The following DLG2 variants were observed in gnomAD, a reference collection of about 807,000 sequenced individuals.
The protein encoded by DLG2 is disks large homolog 2.
DLG2 carries 45 observed loss-of-function variants against 132.5 expected under a neutral mutation model. That is an observed-to-expected ratio of 0.34 (90% CI 0.27 to 0.44). The LOEUF is 0.44. DLG2 is among the 20% of genes least tolerant of loss of function. DLG2 has a pLI of 1.00. For synonymous variants in DLG2, 424 were observed against 419.6 expected (o/e 1.01, Z -0.13); for missense variants, 1,045 against 1,196.9 (o/e 0.87, Z 1.87).
Position 84,967,214 on chromosome 11 carries a change from T to G in DLG2, c.357+144447A>C, listed in dbSNP as rs923182246. The stretch of plus-strand genomic sequence containing the variant: ...CAAAATCTTGAGCCATACTTGGTTT[T>G]TTGAAGAATGAGGCAACTATCGGGA... On this transcript the variant is annotated intron_variant, in intron 6 of 27. Coordinates refer to ENST00000376104, the MANE Select transcript of DLG2 (RefSeq NM_001142699.3). 3.9e-5 allele frequency among the ~76,000 whole-genome samples: 6 copies of G among 152,282 alleles called. No homozygotes were observed. The East Asian group carries it at 1.2e-3, about 29-fold the overall frequency.
intron 6 of DLG2, among the ~76,000 whole-genome samples, chr11:84,851,073 A>G (rs1274706126): frequency 6.6e-6 from 1 of 152,132 alleles, no homozygotes; most frequent in Admixed American, 6.6e-5. Context: ...TGAATATTCA[A>G]AAACAGAACA....
chr11:84,929,004 A>G lies in DLG2; in HGVS notation c.357+182657T>C, dbSNP rs1398433706. ...TGTGTATATATATATATATATATAT[A>G]TATATATATATATATATATATTACT... On this transcript the variant is annotated intron_variant, in intron 6 of 27. Transcript: ENST00000376104. Among the ~76,000 whole-genome samples, 105 of 128,938 alleles carry G rather than the reference A, an allele frequency of 8.1e-4. 1 individual carries two copies. The highest frequency in any genetic ancestry group is 7.3e-3 in the Middle Eastern group (2 of 274). 84.6% of individuals were successfully genotyped at this position (128,938 alleles called of 152,430 possible).
chr11:84,588,094 A>T (rs531965825), intron 6 of DLG2, among the ~76,000 whole-genome samples: 1 of 152,102 alleles, frequency 6.6e-6, no homozygotes, highest in Non-Finnish European at 1.5e-5. Context: ...TTCCTGCCAC[A>T]CACACTGTTC....
chr11:84,572,104 C>G (rs1482218858), intron 6 of DLG2, among the ~76,000 whole-genome samples: 1 of 151,242 alleles, frequency 6.6e-6, no homozygotes, highest in African/African-American at 2.4e-5. Flanking sequence ...TTTTAGGGTA[C>G]ATGTGCACAA....
intron 9 of DLG2, among the ~76,000 whole-genome samples, chr11:84,113,628 T>A (rs890479057): frequency 5.9e-5 from 9 of 152,170 alleles, no homozygotes; most frequent in Middle Eastern, 3.2e-3. Flanking sequence ...GTGATAATAA[T>A]GACAAATACT....
chr11:84,678,730 A>C (rs969498576), intron 6 of DLG2, among the ~76,000 whole-genome samples: 29 of 152,074 alleles, frequency 1.9e-4, no homozygotes, highest in Admixed American at 1.3e-3. Context: ...CCCTGATTAA[A>C]TATATTGTAT....
intron 3 of DLG2, among the ~76,000 whole-genome samples, chr11:85,564,176 T>C (rs1021172645): frequency 6.6e-6 from 1 of 152,128 alleles, no homozygotes; most frequent in Admixed American, 6.6e-5. Context: ...GTCAGATGTA[T>C]ACATCACAAA....
rs1176941368 is a variant in DLG2, at chr11:84,769,992, A to C, written c.358-235261T>G. Among the ~76,000 whole-genome samples, 3 of 152,210 alleles carry C rather than the reference A, an allele frequency of 2.0e-5. No homozygotes were observed. In the East Asian group the frequency reaches 5.8e-4, roughly 29 times the overall value. Reference sequence around the variant, plus strand: ...TATAGTTCAGATATTTGTTTCTGCAAATCTCATGTTAAAATATAGTCACCA... The same window carrying C: ...TATAGTTCAGATATTTGTTTCTGCACATCTCATGTTAAAATATAGTCACCA... On this transcript the variant is annotated intron_variant, in intron 6 of 27. Coordinates refer to ENST00000376104, the MANE Select transcript of DLG2 (RefSeq NM_001142699.3).
At chr11:85,280,009 T>C (rs1000131696) in intron 4 of DLG2, among the ~76,000 whole-genome samples, 7 of 152,150 alleles carry the variant, frequency 4.6e-5, no homozygotes, top group African/African-American at 1.7e-4. Flanking sequence ...TTATTGGTTA[T>C]TTGATCTGAA....
chr11:84,574,031 T>A (rs917466756), intron 6 of DLG2, among the ~76,000 whole-genome samples: 5 of 152,272 alleles, frequency 3.3e-5, no homozygotes, highest in African/African-American at 1.2e-4. Flanking sequence ...GGGGCAAAAC[T>A]TGTTCAGAAT....
chr11:84,064,916 ACAC>A (rs1388930936), intron 10 of DLG2, among the ~76,000 whole-genome samples: 1 of 152,206 alleles, frequency 6.6e-6, no homozygotes, highest in Non-Finnish European at 1.5e-5. Flanking sequence ...ATAATGCTGC[ACAC>A]CTACAGCCAT....
chr11:84,615,817 G>GGAAAAAAAAAA (rs2099602949), intron 6 of DLG2, among the ~76,000 whole-genome samples: 1 of 52,904 alleles, frequency 1.9e-5, no homozygotes, highest in Non-Finnish European at 3.3e-5. Context: ...GACAAAAACG[G>GGAAAAAAAAAA]TAAAAAAAAA....
rs549098335 is a variant in DLG2 at position 85,068,235 on chromosome 11, T to C, written c.357+43426A>G. 2.2e-4 allele frequency among the ~76,000 whole-genome samples: 34 copies of C among 152,208 alleles called. No individual in the cohort carries two copies. In the South Asian group the frequency reaches 6.6e-3, roughly 30 times the overall value. On this transcript the variant is annotated intron_variant, in intron 6 of 27. Transcript: ENST00000376104. Reference sequence around the variant, plus strand: ...ACCTGGAAGCATTCCCTTTGAAAACTGGCACAAGACAGGGATGCCCTCTCT... The same window carrying C: ...ACCTGGAAGCATTCCCTTTGAAAACCGGCACAAGACAGGGATGCCCTCTCT...
At chr11:84,597,691 A>T (rs2099566232) in intron 6 of DLG2, among the ~76,000 whole-genome samples, 1 of 152,208 alleles carries the variant, frequency 6.6e-6, no homozygotes, top group African/African-American at 2.4e-5. Flanking sequence ...TATCTCCAAA[A>T]GCTTGCTTTG....
chr11:83,955,701 T>G (rs1171636252), intron 14 of DLG2, among the ~76,000 whole-genome samples: 1 of 152,138 alleles, frequency 6.6e-6, no homozygotes, highest in Non-Finnish European at 1.5e-5. Flanking sequence ...CTCCCTCAAT[T>G]GGAGTGGACA....
intron 4 of DLG2, among the ~76,000 whole-genome samples, chr11:85,155,933 G>T (rs938236262): frequency 6.6e-6 from 1 of 151,954 alleles, no homozygotes; most frequent in African/African-American, 2.4e-5. Context: ...TTGCAGGCTA[G>T]GACAGCTCCC....
chr11:84,327,348 G>A (rs1333575897), intron 7 of DLG2, among the ~76,000 whole-genome samples: 2 of 152,038 alleles, frequency 1.3e-5, no homozygotes, highest in Non-Finnish European at 2.9e-5. Flanking sequence ...CTCCCAAAGT[G>A]CTGGGATTGC....
intron 2 of DLG2, among the ~76,000 whole-genome samples, chr11:85,618,528 T>C (rs1163169771): frequency 6.6e-6 from 1 of 151,994 alleles, no homozygotes; most frequent in Non-Finnish European, 1.5e-5. Context: ...GAAAACAAAA[T>C]ACCGCATGTT....
chr11:85,272,980 C>T (rs543743560), intron 4 of DLG2, among the ~76,000 whole-genome samples: 33 of 152,188 alleles, frequency 2.2e-4, no homozygotes, highest in African/African-American at 7.5e-4. Flanking sequence ...CTTTGACAAA[C>T]CTGACAAAAA....
Sources: gnomAD v4.1 joint callset for allele counts (sites outside exome capture counted in the v4.1 genomes callset) on GRCh38, gnomAD v4.1.1 for gene constraint, MANE v1.5 for transcripts, NCBI Gene and HGNC (gene_info 2026-07-23, HGNC 2026-07-21) for gene names.